The following PLCH1 variants were observed in gnomAD, a reference collection of about 807,000 sequenced individuals.
PLCH1 encodes the protein phospholipase C eta 1, also known as 1-phosphatidylinositol 4,5-bisphosphate phosphodiesterase eta-1.
PLCH1 carries 60 observed loss-of-function variants against 126.7 expected under a neutral mutation model. The observed-to-expected ratio is 0.47, with a 90% confidence interval of 0.38 to 0.59. PLCH1 has a LOEUF of 0.59. PLCH1 is among the 20% of genes least tolerant of loss of function. The pLI, the probability that PLCH1 is intolerant of heterozygous loss-of-function variation, is 0.00. For synonymous variants in PLCH1, 719 were observed against 734.9 expected, an observed-to-expected ratio of 0.98 and a Z score of 0.35; for missense variants, 1,723 against 2,040.0, an observed-to-expected ratio of 0.84 and a Z score of 2.99.
chr3:155,467,322 C>T (rs1446130467), intron 21 of PLCH1, among the ~76,000 whole-genome samples: 1 of 151,938 alleles, frequency 6.6e-6, no homozygotes. Flanking sequence ...GCCTGTAATC[C>T]CAGCACTTTG....
rs2108608185 is a variant in PLCH1 at position 155,586,165 on chromosome 3, T to C, written c.500A>G (p.Asp167Gly). The C allele has an allele frequency of 1.2e-6, 2 of 1,614,116 alleles. No individual in the cohort carries two copies. The highest frequency in any genetic ancestry group is 1.7e-6 in the Non-Finnish European group (2 of 1,179,952). ...QWVKQTFEEA[D>G]KNGDGLLNIE... ...ATTCAGCAAGCCGTCACCATTCTTA[T>C]CAGCTTCCTCAAAGGTCTGCTTCAC... Residue 167 changes from aspartate (D) to glycine (G), a missense_variant, in exon 5 of 23, where the codon GAT becomes GGT. Coordinates refer to ENST00000460012, the MANE Select transcript of PLCH1 (RefSeq NM_014996.4).
Position 155,574,056 on chromosome 3 carries a change from A to G in PLCH1, c.772-5732T>C, listed in dbSNP as rs567782704. On this transcript the variant is annotated intron_variant, in intron 6 of 22. Coordinates refer to ENST00000460012, the MANE Select transcript of PLCH1 (RefSeq NM_014996.4). ...AGCCTCCCGAGTAGCTGGGACTACA[A>G]GCATGCATCACCACGCCCAGATAAT... Among the ~76,000 whole-genome samples the G allele has an allele frequency of 2.0e-5, 3 of 152,122 alleles. No individual in the cohort carries two copies. The South Asian group carries it at 6.2e-4, about 32-fold the overall frequency.
At chr3:155,565,765 G>A (rs1560174759) in intron 7 of PLCH1, among the ~76,000 whole-genome samples, 1 of 149,078 alleles carries the variant, frequency 6.7e-6, no homozygotes, top group Admixed American at 6.7e-5. Context: ...GCACGATCTT[G>A]GCTCACTGCA....
intron 21 of PLCH1, among the ~76,000 whole-genome samples, chr3:155,465,992 T>C (rs1348238944): frequency 6.6e-6 from 1 of 152,228 alleles, no homozygotes; most frequent in Non-Finnish European, 1.5e-5. Context: ...GATAGATTTC[T>C]GAGGTTTTTG....
Position 155,586,053 on chromosome 3 carries a change from G to A in PLCH1, c.600+12C>T. Reference sequence around the variant, plus strand: ...TATTTTATATAAGGCCAGTGAAATTGTGAAAACTTACCTGAAACATTTGTC... The same window carrying A: ...TATTTTATATAAGGCCAGTGAAATTATGAAAACTTACCTGAAACATTTGTC... On this transcript the variant is annotated intron_variant, in intron 5 of 22. Transcript: ENST00000460012. The A allele has an allele frequency of 6.2e-7, 1 of 1,612,952 alleles. No individual in the cohort carries two copies. Among genetic ancestry groups the A allele is most frequent in the Non-Finnish European group, 8.5e-7 (1 of 1,178,982 alleles).
downstream of PLCH1, among the ~76,000 whole-genome samples, chr3:155,478,092 A>G (rs1363954636): frequency 6.6e-6 from 1 of 152,146 alleles, no homozygotes; most frequent in African/African-American, 2.4e-5. Context: ...CGTCATTTAC[A>G]ACAACATGGA....
intron 2 of PLCH1, among the ~76,000 whole-genome samples, chr3:155,622,866 TA>T (rs774851731): frequency 2.0e-5 from 3 of 152,034 alleles, no homozygotes; most frequent in East Asian, 3.9e-4. Flanking sequence ...ACACAGAAAA[TA>T]AACAAGTGTA....
At chr3:155,567,247 AT>A (rs1371757588) in intron 7 of PLCH1, among the ~76,000 whole-genome samples, 3 of 151,796 alleles carry the variant, frequency 2.0e-5, no homozygotes, top group African/African-American at 7.3e-5. Context: ...TAATTTTTGT[AT>A]TTTTAGTAGA....
At chr3:155,562,835 T>G (rs1577017579) in intron 8 of PLCH1, among the ~76,000 whole-genome samples, 1 of 151,664 alleles carries the variant, frequency 6.6e-6, no homozygotes, top group Non-Finnish European at 1.5e-5. Context: ...CTATATTATT[T>G]CCCCCACTTC....
chr3:155,494,972 C>T (rs1716819625), intron 15 of PLCH1, among the ~76,000 whole-genome samples: 2 of 152,000 alleles, frequency 1.3e-5, no homozygotes, highest in South Asian at 4.2e-4. Context: ...ACAAGTAAAA[C>T]ATGTATTACT....
At chr3:155,629,094 G>A (rs906209717) in intron 2 of PLCH1, among the ~76,000 whole-genome samples, 1 of 152,138 alleles carries the variant, frequency 6.6e-6, no homozygotes, top group Non-Finnish European at 1.5e-5. Flanking sequence ...TAAGAGAATC[G>A]TGGTGAAGAT....
intron 6 of PLCH1, among the ~76,000 whole-genome samples, chr3:155,582,075 C>CTTTTTTTTTTTTTTT (rs869254665): frequency 1.2e-3 from 77 of 64,110 alleles, no homozygotes; most frequent in South Asian, 3.7e-3. Flanking sequence ...TCTTTTCTTT[C>CTTTTTTTTTTTTTTT]TTTTTTTTTT....
chr3:155,540,878 C>T (rs1724137399), intron 10 of PLCH1, among the ~76,000 whole-genome samples: 1 of 152,068 alleles, frequency 6.6e-6, no homozygotes, highest in African/African-American at 2.4e-5. Flanking sequence ...TTGGTAGATA[C>T]CACTCCTGCA....
intron 2 of PLCH1, among the ~76,000 whole-genome samples, chr3:155,651,095 G>A (rs1424848207): frequency 3.9e-5 from 6 of 151,932 alleles, no homozygotes; most frequent in African/African-American, 9.7e-5. Context: ...GGATTTAAAA[G>A]GCTGACATTA....
At chr3:155,679,955 A>AAAGCTTTTAGGTTTAGTTTTAGGTTTAG (rs2109011829) in intron 2 of PLCH1, among the ~76,000 whole-genome samples, 1 of 152,268 alleles carries the variant, frequency 6.6e-6, no homozygotes, top group African/African-American at 2.4e-5. Context: ...CCTGGAAACC[A>AAAGCTTTTAGGTTTAGTTTTAGGTTTAG]TGTCTAAAGT....
At chr3:155,533,356 G>C (rs1363137743) in intron 10 of PLCH1, among the ~76,000 whole-genome samples, 1 of 152,060 alleles carries the variant, frequency 6.6e-6, no homozygotes, top group East Asian at 1.9e-4. Flanking sequence ...AGACCAGCCT[G>C]ACCAACATGG....
rs138855952 is a variant in PLCH1 at position 155,556,151 on chromosome 3, G to A, written c.1070-1955C>T. Among the ~76,000 whole-genome samples the A allele has an allele frequency of 3.1e-3, 466 of 152,224 alleles. 2 individuals carry two copies. The highest frequency in any genetic ancestry group is 0.02 in the South Asian group (98 of 4,828). ...GATTGAAAGTCTGCCTTTAGAGTTC[G>A]AGACCGGCCTGGCCAACATGGTGAA... On this transcript the variant is annotated intron_variant, in intron 8 of 22. Transcript: ENST00000460012.
At chr3:155,537,894 T>C (rs571208531) in intron 10 of PLCH1, among the ~76,000 whole-genome samples, 7 of 152,154 alleles carry the variant, frequency 4.6e-5, no homozygotes, top group East Asian at 3.9e-4. Flanking sequence ...CTAGAACAAA[T>C]AGACTTAGCA....
rs753258422 is a variant in PLCH1, at chr3:155,659,302, C to CTTTTTTTTTT, written c.79+44834_79+44843dup. 1.4e-3 allele frequency among the ~76,000 whole-genome samples: 42 copies of CTTTTTTTTTT among 30,848 alleles called. 11 individuals are homozygous for CTTTTTTTTTT. The highest frequency in any genetic ancestry group is 1.8e-3 in the African/African-American group (20 of 11,162). 20.2% of individuals were successfully genotyped at this position (30,848 alleles called of 152,430 possible). A position where few individuals can be genotyped will look rare whatever the true frequency, so the allele number is the denominator to read the frequency against. On this transcript the variant is annotated intron_variant, in intron 2 of 22. Transcript: ENST00000460012. The stretch of plus-strand genomic sequence containing the variant: ...CCAGGCGTGAGATGTCTATTCACTT[C>CTTTTTTTTTT]TTTTTTTTTTTTTTTTTTTTTTTTT...
Sources: allele counts gnomAD v4.1 joint callset (sites outside exome capture counted in the v4.1 genomes callset), GRCh38; gene constraint gnomAD v4.1.1; transcripts MANE v1.5; gene names NCBI Gene and HGNC (gene_info 2026-07-23, HGNC 2026-07-21).